The following ZDHHC7 variants were observed in gnomAD, a reference collection of about 807,000 sequenced individuals.
ZDHHC7 encodes zDHHC palmitoyltransferase 7.
Under a neutral mutation model 34.1 loss-of-function variants are expected in ZDHHC7, and 12 were observed. The ratio of observed to expected loss-of-function variants is 0.35; its 90% CI spans 0.23 to 0.57. The LOEUF (loss-of-function observed/expected upper bound fraction) is 0.57, where lower values mean the gene tolerates loss of function less well. Among genes scored for constraint, ZDHHC7 ranks in the 20% least tolerant of loss-of-function variants. ZDHHC7 has a pLI of 0.84. For missense variants in ZDHHC7, 388 were observed against 402.7 expected (o/e 0.96, Z 0.31); for synonymous variants, 185 against 155.4 (o/e 1.19, Z -1.42).
the ZDHHC7 span, among the ~76,000 whole-genome samples, chr16:85,021,731 AAAAGAGAGAAAGAG>A: frequency 1.3e-5 from 2 of 151,306 alleles, no homozygotes; most frequent in African/African-American, 4.9e-5. Context: ...GAAAGAAAGA[AAAAGAGAGAAAGAG>A]AACAAGAGAG....
In ZDHHC7 at chr16:84,990,361, A is replaced by C; in HGVS notation, c.258T>G (p.Phe86Leu). The change falls in exon 3 of 8, where the codon TTT (phenylalanine) becomes TTG (leucine). Residue 86 changes from phenylalanine (F) to leucine (L), a missense_variant. Physicochemically the swap from Phe to Leu is conservative, Grantham distance 22. Transcript: ENST00000313732. Reference sequence around the variant, plus strand: ...ACAGGGCAAGCACGGCCAAGCAGTTAAAGATGACCCCGTTGACCACAGAGT... The same window carrying C: ...ACAGGGCAAGCACGGCCAAGCAGTTCAAGATGACCCCGTTGACCACAGAGT... ...FWYSVVNGVI[F>L]NCLAVLALSS... The C allele has an allele frequency of 1.9e-6, 3 of 1,614,168 alleles. No homozygotes were observed. The highest frequency in any genetic ancestry group is 2.5e-6 in the Non-Finnish European group (3 of 1,180,020).
upstream of ZDHHC7, among the ~76,000 whole-genome samples, chr16:85,016,009 C>A (rs945887861): frequency 6.6e-6 from 1 of 152,028 alleles, no homozygotes; most frequent in Non-Finnish European, 1.5e-5. Context: ...GTCAGCTGTG[C>A]CTAAATTCCA....
At chr16:84,997,004 C>T (rs1169984978) in intron 1 of ZDHHC7, among the ~76,000 whole-genome samples, 11 of 146,466 alleles carry the variant, frequency 7.5e-5, no homozygotes, top group East Asian at 6.2e-4. Flanking sequence ...CCAGCCTGGG[C>T]GACAGAGCAA....
chr16:85,014,386 CA>C (rs2072825804), upstream of ZDHHC7, among the ~76,000 whole-genome samples: 1 of 152,178 alleles, frequency 6.6e-6, no homozygotes, highest in Non-Finnish European at 1.5e-5. Context: ...TCTGATTCGT[CA>C]AGGTGCTCTT....
the ZDHHC7 span, among the ~76,000 whole-genome samples, chr16:85,016,660 T>G: frequency 2.6e-5 from 4 of 151,288 alleles, no homozygotes; most frequent in South Asian, 8.3e-4. Context: ...GATGGCCATG[T>G]TCTCACTATA....
At chr16:85,023,092 C>T in the ZDHHC7 span, among the ~76,000 whole-genome samples, 1 of 152,124 alleles carries the variant, frequency 6.6e-6, no homozygotes, top group Non-Finnish European at 1.5e-5. Flanking sequence ...GAACACAGCC[C>T]TGCTGACACC....
the ZDHHC7 span, among the ~76,000 whole-genome samples, chr16:85,021,830 C>G: frequency 2.6e-5 from 4 of 151,500 alleles, no homozygotes; most frequent in Non-Finnish European, 5.9e-5. Flanking sequence ...AAAAGAGAGC[C>G]CTCCAGCTGC....
At chr16:85,007,518 G>C (rs9927377) in intron 1 of ZDHHC7, among the ~76,000 whole-genome samples, 25,290 of 150,828 alleles carry the variant, frequency 0.17, 2,268 homozygotes, top group Middle Eastern at 0.21. Context: ...TAGAAGTGAA[G>C]AAACCAGCAA....
intron 4 of ZDHHC7, among the ~76,000 whole-genome samples, chr16:84,980,885 T>A (rs1450012832): frequency 3.3e-5 from 5 of 152,184 alleles, no homozygotes; most frequent in Non-Finnish European, 5.9e-5. Flanking sequence ...TACCATTTCA[T>A]CTTTCTTTAC....
At chr16:84,996,500 A>C (rs983241260) in intron 1 of ZDHHC7, among the ~76,000 whole-genome samples, 1 of 152,186 alleles carries the variant, frequency 6.6e-6, no homozygotes, top group African/African-American at 2.4e-5. Context: ...ATGAGAGCAG[A>C]GACTCCTGGC....
At chr16:85,006,412 TTAAAA>T (rs1451294851) in intron 1 of ZDHHC7, among the ~76,000 whole-genome samples, 1 of 151,912 alleles carries the variant, frequency 6.6e-6, no homozygotes, top group Non-Finnish European at 1.5e-5. Context: ...TTAAATAATT[TTAAAA>T]TAATATATAG....
chr16:85,010,838 A>C (rs888475968), intron 1 of ZDHHC7, among the ~76,000 whole-genome samples: 3 of 152,260 alleles, frequency 2.0e-5, no homozygotes, highest in African/African-American at 7.2e-5. Flanking sequence ...GAAGATGGGC[A>C]GAGAATAAAA....
the ZDHHC7 span, among the ~76,000 whole-genome samples, chr16:85,017,122 A>C: frequency 6.6e-6 from 1 of 152,176 alleles, no homozygotes; most frequent in African/African-American, 2.4e-5. Context: ...TCAATTTTTT[A>C]ATCATGAGCA....
At chr16:84,989,694 CAAAAAAAAAA>C (rs35823318) in intron 3 of ZDHHC7, among the ~76,000 whole-genome samples, 5 of 96,494 alleles carry the variant, frequency 5.2e-5, no homozygotes, top group Non-Finnish European at 1.0e-4. Context: ...AACTCCGTCT[CAAAAAAAAAA>C]AAAAAAAAAA....
At chr16:85,012,281 G>A (rs919748077), upstream of ZDHHC7, among the ~76,000 whole-genome samples, 1 of 151,372 alleles carries the variant, frequency 6.6e-6, no homozygotes, top group Non-Finnish European at 1.5e-5. Context: ...AGCTACTCGA[G>A]AGGCTGAGGC....
chr16:85,011,197 C>G (rs1017479245), intron 1 of ZDHHC7, 89 bp downstream of exon 1: 1 of 152,340 alleles, frequency 6.6e-6, no homozygotes, highest in Admixed American at 6.5e-5. Flanking sequence ...AGCGGCGGAA[C>G]CGACGGAAGG....
At chr16:85,010,208 A>G (rs1430753527) in intron 1 of ZDHHC7, among the ~76,000 whole-genome samples, 1 of 150,882 alleles carries the variant, frequency 6.6e-6, no homozygotes, top group Non-Finnish European at 1.5e-5. Flanking sequence ...TTTTGTAGAG[A>G]AGGGGATCTC....
Position 84,976,069 on chromosome 16 carries a change from A to C in ZDHHC7, c.*274T>G, listed in dbSNP as rs975702477. ...TTGAATAACCCATGTAATAACCCGA[A>C]GTATTCTCCACAGAAGCCCCAGCTC... On this transcript the variant is annotated 3_prime_UTR_variant, in exon 8 of 8. Transcript: ENST00000313732. 9 of 450,288 alleles carry C rather than the reference A, an allele frequency of 2.0e-5. No homozygotes were observed. Among genetic ancestry groups the C allele is most frequent in the Non-Finnish European group, 3.5e-5 (9 of 254,494 alleles). 27.9% of individuals were successfully genotyped at this position (450,288 alleles called of 1,614,324 possible).
chr16:84,983,257 A>T (rs2072393848), intron 3 of ZDHHC7, among the ~76,000 whole-genome samples: 8 of 152,206 alleles, frequency 5.3e-5, no homozygotes, highest in Admixed American at 5.2e-4. Context: ...GGTGGGAGCT[A>T]ACAGCCTGGG....
Sources: allele counts gnomAD v4.1 joint callset (sites outside exome capture counted in the v4.1 genomes callset), GRCh38; gene constraint gnomAD v4.1.1; transcripts MANE v1.5; gene names NCBI Gene and HGNC (gene_info 2026-07-23, HGNC 2026-07-21).